ZNF644: variants seen among roughly 807,000 people sequenced by gnomAD.
ZNF644 encodes the protein zinc finger motif enhancer binding protein 2.
In ZNF644, 20 loss-of-function variants were observed where a neutral mutation model predicts 108.0. That is an observed-to-expected ratio of 0.19 (90% CI 0.13 to 0.27). ZNF644 has a LOEUF of 0.27. ZNF644 is among the 10% of genes least tolerant of loss of function. The probability of loss-of-function intolerance (pLI) is 1.00; values close to 1 mark genes in which losing one functional copy is unlikely to be tolerated. For missense variants in ZNF644, 1,338 were observed against 1,548.9 expected (o/e 0.86, Z 2.29); for synonymous variants, 542 against 539.1 (o/e 1.01, Z -0.08).
chr1:90,919,183 T>C lies in ZNF644; in HGVS notation c.3689-1029A>G, dbSNP rs536513746. Among the ~76,000 whole-genome samples, 52 of 152,300 alleles carry C rather than the reference T, an allele frequency of 3.4e-4. 1 individual carries two copies. The highest frequency in any genetic ancestry group is 2.7e-3 in the Admixed American group (42 of 15,296). ...ACCATTTCTTTGGACAAAGGGATGA[T>C]AGCAATCCAGGGTGCTGCTGGTCAA... On this transcript the variant is annotated intron_variant, in intron 4 of 5. Transcript: ENST00000337393.
intron 1 of ZNF644, among the ~76,000 whole-genome samples, chr1:91,002,865 G>A (rs1429987488): frequency 2.0e-5 from 3 of 152,104 alleles, no homozygotes; most frequent in African/African-American, 7.2e-5. Flanking sequence ...TAACAAGTGG[G>A]CAAAGGATAT....
chr1:90,941,079 G>A lies in ZNF644; in HGVS notation c.275C>T (p.Ser92Phe). 1 of 1,614,090 alleles carries A rather than the reference G, an allele frequency of 6.2e-7. No individual in the cohort carries two copies. The highest frequency in any genetic ancestry group is 8.5e-7 in the Non-Finnish European group (1 of 1,179,958). Residue 92 changes from serine to phenylalanine, a missense_variant, in exon 3 of 6, where the codon TCT (serine) becomes TTT (phenylalanine). By Grantham distance (155) the Ser-to-Phe change is radical. Transcript: ENST00000337393. ...KSENALSGGQ[S>F]SLFIHAGAPT... ...AGCACCAGCATGTATAAATAGACTA[G>A]ACTGGCCTCCACTTAAGGCGTTTTC...
intron 1 of ZNF644, among the ~76,000 whole-genome samples, chr1:90,984,988 A>G (rs1050223128): frequency 4.6e-5 from 7 of 152,208 alleles, no homozygotes; most frequent in Admixed American, 6.5e-5. Flanking sequence ...TTTGTTATGC[A>G]TATTTTACCA....
intron 1 of ZNF644, among the ~76,000 whole-genome samples, chr1:90,988,673 C>G (rs1570515548): frequency 2.6e-5 from 4 of 152,178 alleles, no homozygotes; most frequent in Non-Finnish European, 4.4e-5. Flanking sequence ...AACAATGGTG[C>G]CAGCATAAAA....
Position 90,950,204 on chromosome 1 carries a change from G to C in ZNF644, c.45-8895C>G, listed in dbSNP as rs933132080. ...GAGGCAGCAGCATTGCTTGAACCCG[G>C]GAGGAAAGGTTGCAGTGAGCCGAGA... On this transcript the variant is annotated intron_variant, in intron 2 of 5. Coordinates refer to ENST00000337393, the MANE Select transcript of ZNF644 (RefSeq NM_201269.3). Among the ~76,000 whole-genome samples the C allele has an allele frequency of 4.3e-4, 62 of 144,678 alleles. 1 individual carries two copies. Among genetic ancestry groups the C allele is most frequent in the African/African-American group, 9.8e-4 (38 of 38,970 alleles). 94.9% of individuals were successfully genotyped at this position (144,678 alleles called of 152,430 possible). A position where few individuals can be genotyped will look rare whatever the true frequency, so the allele number is the denominator to read the frequency against.
intron 1 of ZNF644, among the ~76,000 whole-genome samples, chr1:90,996,523 G>A (rs1658161135): frequency 6.6e-6 from 1 of 152,202 alleles, no homozygotes; most frequent in African/African-American, 2.4e-5. Context: ...AGTGGCTTAT[G>A]CCTATAATCC....
At chr1:91,002,730 G>A (rs1378197833) in intron 1 of ZNF644, among the ~76,000 whole-genome samples, 2 of 152,176 alleles carry the variant, frequency 1.3e-5, no homozygotes, top group Non-Finnish European at 2.9e-5. Flanking sequence ...ACTACCATCA[G>A]AGTGAACAGG....
intron 1 of ZNF644, among the ~76,000 whole-genome samples, chr1:90,985,096 G>GA (rs956443992): frequency 2.8e-4 from 43 of 151,560 alleles, no homozygotes; most frequent in Admixed American, 2.1e-3. Flanking sequence ...TCCAAAATCT[G>GA]AAAAAAAACC....
intron 2 of ZNF644, among the ~76,000 whole-genome samples, chr1:90,977,463 T>A (rs1303132142): frequency 1.3e-5 from 2 of 152,190 alleles, no homozygotes; most frequent in African/African-American, 4.8e-5. Flanking sequence ...AATCTTCACA[T>A]ATATTCTCCA....
chr1:91,017,379 A>T (rs937926898), intron 1 of ZNF644, among the ~76,000 whole-genome samples: 1 of 152,196 alleles, frequency 6.6e-6, no homozygotes, highest in Non-Finnish European at 1.5e-5. Context: ...TAGGGCCAAG[A>T]TTAGTAGGAG....
At chr1:91,004,760 A>G (rs1217208839) in intron 1 of ZNF644, among the ~76,000 whole-genome samples, 3 of 152,200 alleles carry the variant, frequency 2.0e-5, no homozygotes, top group Non-Finnish European at 2.9e-5. Context: ...AATTTACAGT[A>G]TTAATTTCAA....
intron 2 of ZNF644, among the ~76,000 whole-genome samples, chr1:90,970,209 T>C (rs1020331132): frequency 6.6e-6 from 1 of 152,224 alleles, no homozygotes; most frequent in African/African-American, 2.4e-5. Flanking sequence ...ACTTAGCTCC[T>C]GTATAATTGA....
intron 1 of ZNF644, among the ~76,000 whole-genome samples, chr1:91,018,310 C>T (rs1660601565): frequency 6.6e-6 from 1 of 152,142 alleles, no homozygotes; most frequent in Non-Finnish European, 1.5e-5. Flanking sequence ...CTCTAATAAA[C>T]CTGAATCAAA....
chr1:90,992,887 T>C (rs112844168), intron 1 of ZNF644, among the ~76,000 whole-genome samples: 30 of 151,948 alleles, frequency 2.0e-4, no homozygotes, highest in African/African-American at 7.0e-4. Context: ...TCTACAAAAA[T>C]ACAAAAATTA....
At chr1:90,977,461 C>T (rs887430654) in intron 2 of ZNF644, among the ~76,000 whole-genome samples, 1 of 152,138 alleles carries the variant, frequency 6.6e-6, no homozygotes, top group African/African-American at 2.4e-5. Flanking sequence ...AAAATCTTCA[C>T]ATATATTCTC....
At chr1:90,993,760 A>G (rs563102110) in intron 1 of ZNF644, among the ~76,000 whole-genome samples, 9 of 152,366 alleles carry the variant, frequency 5.9e-5, no homozygotes, top group Non-Finnish European at 1.2e-4. Context: ...TCATTTTGTA[A>G]GTAATGTCAC....
chr1:90,972,156 GA>G (rs1655557679), intron 2 of ZNF644, among the ~76,000 whole-genome samples: 1 of 152,010 alleles, frequency 6.6e-6, no homozygotes, highest in Non-Finnish European at 1.5e-5. Flanking sequence ...TGAACTTTGT[GA>G]AAATGTAAAA....
chr1:90,997,152 C>G (rs1658221791), intron 1 of ZNF644, among the ~76,000 whole-genome samples: 1 of 152,152 alleles, frequency 6.6e-6, no homozygotes, highest in Non-Finnish European at 1.5e-5. Flanking sequence ...TAGAGAGCCA[C>G]ATGTACAGAA....
chr1:90,919,625 A>C (rs930275030), intron 4 of ZNF644, among the ~76,000 whole-genome samples: 4 of 152,122 alleles, frequency 2.6e-5, no homozygotes, highest in African/African-American at 9.7e-5. Context: ...ATAAGTAAAG[A>C]ACTACTAGAA....
Sources: gnomAD v4.1 joint callset for allele counts (sites outside exome capture counted in the v4.1 genomes callset) on GRCh38, gnomAD v4.1.1 for gene constraint, MANE v1.5 for transcripts, NCBI Gene and HGNC (gene_info 2026-07-23, HGNC 2026-07-21) for gene names.